Variants in OPRM1 observed in about 807,000 individuals in gnomAD.
The protein encoded by OPRM1 is mu-type opioid receptor.
OPRM1 carries 27 observed loss-of-function variants against 31.8 expected under a neutral mutation model. The ratio of observed to expected loss-of-function variants is 0.85; its 90% CI spans 0.63 to 1.17. The LOEUF (loss-of-function observed/expected upper bound fraction) is 1.17, where lower values mean the gene tolerates loss of function less well. Ranked by LOEUF, OPRM1 falls within the 50% of genes most tolerant of loss-of-function variation. OPRM1 has a pLI of 0.00. For missense variants in OPRM1, 536 were observed against 511.1 expected (o/e 1.05, Z -0.47); for synonymous variants, 196 against 189.9 (o/e 1.03, Z -0.26).
chr6:154,019,345 T>C (rs573119434), intron 1 of OPRM1, among the ~76,000 whole-genome samples: 1 of 151,796 alleles, frequency 6.6e-6, no homozygotes, highest in South Asian at 2.1e-4. Flanking sequence ...CTCCCCACAA[T>C]TAACACCTCT....
chr6:154,092,589 G>A (rs552096872), intron 3 of OPRM1, among the ~76,000 whole-genome samples: 89 of 152,270 alleles, frequency 5.8e-4, no homozygotes, highest in African/African-American at 2.0e-3. Context: ...GGAGGCCTTT[G>A]CCACCACAGG....
intron 3 of OPRM1, among the ~76,000 whole-genome samples, chr6:154,207,927 G>A (rs570633097): frequency 1.3e-5 from 2 of 152,164 alleles, no homozygotes; most frequent in Non-Finnish European, 2.9e-5. Context: ...CCTTCCAAAC[G>A]GATTCAAAAT....
intron 1 of OPRM1, among the ~76,000 whole-genome samples, chr6:154,066,809 C>G (rs1185619235): frequency 1.3e-5 from 2 of 152,250 alleles, no homozygotes; most frequent in East Asian, 3.9e-4. Context: ...TTTCAATTGA[C>G]CAGCCTCCAG....
At chr6:154,144,188 C>CA (rs1193409279) in intron 3 of OPRM1, among the ~76,000 whole-genome samples, 1 of 152,060 alleles carries the variant, frequency 6.6e-6, no homozygotes, top group African/African-American at 2.4e-5. Flanking sequence ...TTAAAATTCT[C>CA]AAAAAAATGT....
At chr6:154,246,660 T>C (rs1465660956) in intron 3 of OPRM1, 8 of 1,614,094 alleles carry the variant, frequency 5.0e-6, no homozygotes, top group Non-Finnish European at 6.8e-6. Flanking sequence ...ATTTGTTGCT[T>C]AGGAAACTTC....
chr6:154,077,126 C>T (rs1279369614), intron 1 of OPRM1, among the ~76,000 whole-genome samples: 1 of 152,120 alleles, frequency 6.6e-6, no homozygotes, highest in African/African-American at 2.4e-5. Context: ...GTCAACCAAT[C>T]CACATGTGCT....
chr6:154,193,537 T>C (rs533074530), intron 3 of OPRM1, among the ~76,000 whole-genome samples: 1 of 152,284 alleles, frequency 6.6e-6, no homozygotes, highest in South Asian at 2.1e-4. Flanking sequence ...TACGCATCTA[T>C]CTGCATATAC....
chr6:154,211,742 T>C (rs2128605190), intron 3 of OPRM1, among the ~76,000 whole-genome samples: 1 of 152,264 alleles, frequency 6.6e-6, no homozygotes, highest in East Asian at 1.9e-4. Context: ...TTTTAATAGG[T>C]TGGTGCAAAA....
chr6:154,037,038 A>T (rs12191759), upstream of OPRM1, among the ~76,000 whole-genome samples: 3,519 of 152,090 alleles, frequency 0.023, 66 homozygotes, highest in Non-Finnish European at 0.039. Flanking sequence ...ATTCCAAAAG[A>T]TCTTGGTGGA....
In OPRM1 at chr6:154,182,787, C is replaced by T. The variant is rs1307412661; in HGVS notation, c.1165-63906C>T. ...CTGTGGCACCATAACCCGCTGGATCCATCAACCATGTGGATCCATGATGGG... is the reference window on the plus strand; with the variant it reads ...CTGTGGCACCATAACCCGCTGGATCTATCAACCATGTGGATCCATGATGGG... On this transcript the variant is annotated intron_variant, in intron 3 of 3. Coordinates refer to the OPRM1 transcript ENST00000337049. Among the ~76,000 whole-genome samples the T allele has an allele frequency of 2.0e-5, 3 of 151,982 alleles. No individual in the cohort carries two copies. In the East Asian group the frequency reaches 5.8e-4, roughly 29 times the overall value.
chr6:154,181,276 T>G (rs1319419258), intron 3 of OPRM1, among the ~76,000 whole-genome samples: 4 of 152,194 alleles, frequency 2.6e-5, no homozygotes, highest in Non-Finnish European at 5.9e-5. Context: ...TCTCCTATTT[T>G]TGTTCCTGTT....
At chr6:154,199,734 A>G (rs1361301164) in intron 3 of OPRM1, 1 of 1,614,184 alleles carries the variant, frequency 6.2e-7, no homozygotes, top group Non-Finnish European at 8.5e-7. Flanking sequence ...TTGCTACTCA[A>G]TGAAGAAGTA....
At chr6:154,235,970 T>G (rs1424509971) in intron 3 of OPRM1, among the ~76,000 whole-genome samples, 1 of 152,152 alleles carries the variant, frequency 6.6e-6, no homozygotes, top group Non-Finnish European at 1.5e-5. Flanking sequence ...TGTAAAACAG[T>G]GTAGCTGCTA....
At chr6:154,167,597 C>A (rs1678671523) in intron 3 of OPRM1, among the ~76,000 whole-genome samples, 1 of 152,166 alleles carries the variant, frequency 6.6e-6, no homozygotes, top group Non-Finnish European at 1.5e-5. Flanking sequence ...ATTTATTGAA[C>A]CAGGTACTGT....
At chr6:154,106,894 C>T (rs1021380741) in intron 3 of OPRM1, among the ~76,000 whole-genome samples, 3 of 152,142 alleles carry the variant, frequency 2.0e-5, no homozygotes, top group African/African-American at 7.2e-5. Context: ...GACCAAATGT[C>T]TACATTTTTA....
rs750890563 is a variant in OPRM1 at position 154,124,177 on chromosome 6, G to A, written c.*5456G>A. Reference sequence around the variant, plus strand: ...TTCCACACAATATTGAATAAATGCAGTGTATACATTTTTAAAGGAATTTTA... The same window carrying A: ...TTCCACACAATATTGAATAAATGCAATGTATACATTTTTAAAGGAATTTTA... On this transcript the variant is annotated 3_prime_UTR_variant, in exon 4 of 4. Coordinates refer to ENST00000330432, the MANE Select transcript of OPRM1 (RefSeq NM_000914.5). 1.5e-4 allele frequency among the ~76,000 whole-genome samples: 23 copies of A among 152,152 alleles called. No homozygotes were observed. Among genetic ancestry groups the A allele is most frequent in the Non-Finnish European group, 3.4e-4 (23 of 68,024 alleles).
chr6:154,086,910 C>T, intron 1 of OPRM1: 1 of 984,118 alleles, frequency 1.0e-6, no homozygotes, highest in South Asian at 4.7e-5. Flanking sequence ...GTTTCAACTT[C>T]TTGAGCACCA....
chr6:154,036,767 A>G (rs1012715674), upstream of OPRM1, among the ~76,000 whole-genome samples: 7 of 151,966 alleles, frequency 4.6e-5, no homozygotes, highest in Non-Finnish European at 8.8e-5. Flanking sequence ...CCCAGATTGC[A>G]TATATTTTAT....
intron 3 of OPRM1, among the ~76,000 whole-genome samples, chr6:154,185,796 A>C (rs977566673): frequency 6.6e-6 from 1 of 152,216 alleles, no homozygotes; most frequent in African/African-American, 2.4e-5. Context: ...ATCACAAAAA[A>C]TTCTCATAAT....
Sources: allele counts gnomAD v4.1 joint callset (sites outside exome capture counted in the v4.1 genomes callset), GRCh38; gene constraint gnomAD v4.1.1; transcripts MANE v1.5; gene names NCBI Gene and HGNC (gene_info 2026-07-23, HGNC 2026-07-21).